The following ANK3 variants were observed in gnomAD, a reference collection of about 807,000 sequenced individuals.
ANK3 encodes the protein ankyrin-3.
Under a neutral mutation model 370.9 loss-of-function variants are expected in ANK3, and 57 were observed. The observed-to-expected ratio is 0.15, with a 90% CI of 0.12 to 0.19. The LOEUF is 0.19. Among genes scored for constraint, ANK3 ranks in the 10% least tolerant of loss-of-function variants. The pLI is 1.00. For missense variants in ANK3, 4,439 were observed against 5,302.1 expected (o/e 0.84, Z 5.06); for synonymous variants, 1,929 against 1,946.3 (o/e 0.99, Z 0.23).
chr10:60,730,492 G>C (rs1174642501), intron 1 of ANK3, among the ~76,000 whole-genome samples: 1 of 152,064 alleles, frequency 6.6e-6, no homozygotes, highest in Non-Finnish European at 1.5e-5. Context: ...AATAACAGCT[G>C]ATCTTTTAAT....
At chr10:60,607,511 A>G (rs932580379) in intron 2 of ANK3, among the ~76,000 whole-genome samples, 7 of 152,192 alleles carry the variant, frequency 4.6e-5, no homozygotes, top group African/African-American at 1.7e-4. Context: ...TCCATTAAAG[A>G]GCAACATATT....
At chr10:60,106,149 G>T in intron 27 of ANK3, 90 bp from the exon 28 acceptor site, 4 of 1,179,416 alleles carry the variant, frequency 3.4e-6, no homozygotes, top group Non-Finnish European at 2.3e-6. Flanking sequence ...GTATTCATTT[G>T]AAAATCAGAG....
intron 1 of ANK3, among the ~76,000 whole-genome samples, chr10:60,303,650 T>C (rs1469287876): frequency 2.0e-5 from 3 of 152,096 alleles, no homozygotes; most frequent in Non-Finnish European, 4.4e-5. Flanking sequence ...GGAATGTAAA[T>C]TGGTACAGCC....
In ANK3 at chr10:60,075,557, A is replaced by G. The variant is rs1186608627; in HGVS notation, c.5324T>C (p.Phe1775Ser). ...KVFSTTTAMP[F>S]SPLRSYVSAA... Reference sequence around the variant, plus strand: ...AGAAACATATGACCTGAGTGGGGAAAATGGCATTGCAGTCGTGGTAGAAAA... The same window carrying G: ...AGAAACATATGACCTGAGTGGGGAAGATGGCATTGCAGTCGTGGTAGAAAA... The change falls in exon 37 of 44, where the codon TTT (phenylalanine) becomes TCT (serine). Residue 1775 changes from phenylalanine to serine, a missense_variant. Physicochemically the swap from Phe to Ser is radical, Grantham distance 155. Transcript: ENST00000280772. The G allele has an allele frequency of 1.9e-6, 3 of 1,614,068 alleles. No homozygotes were observed. The highest frequency in any genetic ancestry group is 2.5e-6 in the Non-Finnish European group (3 of 1,179,996).
rs540454819 is a variant in ANK3, at chr10:60,257,883, T to C, written c.798+3976A>G. On this transcript the variant is annotated intron_variant, in intron 7 of 43. Transcript: ENST00000280772. ...TGGCAAGACTAACAGAAGAATGCTT[T>C]ATTCAATTATCTTCTCAAAATGGGA... Among the ~76,000 whole-genome samples, 12 of 152,378 alleles carry C rather than the reference T, an allele frequency of 7.9e-5. No individual in the cohort carries two copies. In the East Asian group the frequency reaches 2.3e-3, roughly 29 times the overall value.
intron 1 of ANK3, among the ~76,000 whole-genome samples, chr10:60,709,548 G>A (rs1248238558): frequency 6.6e-6 from 1 of 152,132 alleles, no homozygotes; most frequent in Non-Finnish European, 1.5e-5. Flanking sequence ...GTAAGATAGA[G>A]AAAATAAAAT....
intron 25 of ANK3, among the ~76,000 whole-genome samples, chr10:60,125,102 C>G (rs2093689538): frequency 6.6e-6 from 1 of 152,012 alleles, no homozygotes; most frequent in South Asian, 2.1e-4. Context: ...AAACCTGACA[C>G]AAGTAGTAAA....
rs1288326717 is a variant in ANK3, at chr10:60,059,551, AT to A, written c.12596-122del. 48 of 1,247,976 alleles carry A rather than the reference AT, an allele frequency of 3.8e-5. No homozygotes were observed. The Admixed American group carries it at 7.9e-4, about 21-fold the overall frequency. 77.3% of individuals were successfully genotyped at this position (1,247,976 alleles called of 1,614,324 possible). On this transcript the variant is annotated intron_variant, in intron 40 of 43. Transcript: ENST00000280772. ...TCAAGTTGAATGTCCTCAAATAGAG[AT>A]TTGAGTTTCTCTTCCATCATCTCCT...
chr10:60,583,579 C>T lies in ANK3; in HGVS notation c.96+31607G>A, dbSNP rs1049684011. Among the ~76,000 whole-genome samples, 3 of 142,888 alleles carry T rather than the reference C, an allele frequency of 2.1e-5. No homozygotes were observed. In the South Asian group the frequency reaches 6.8e-4, roughly 32 times the overall value. 93.7% of individuals were successfully genotyped at this position (142,888 alleles called of 152,430 possible). A position where few individuals can be genotyped will look rare whatever the true frequency, so the allele number is the denominator to read the frequency against. The stretch of plus-strand genomic sequence containing the variant: ...TCACCCAGGCTGGAGTGCAGTGGCG[C>T]TCCAGTTCTGTCACTCAGGCTGGAG... On this transcript the variant is annotated intron_variant, in intron 2 of 43. Coordinates refer to the ANK3 transcript ENST00000373827.
At chr10:60,723,769 A>G (rs907035087) in intron 1 of ANK3, among the ~76,000 whole-genome samples, 1 of 152,144 alleles carries the variant, frequency 6.6e-6, no homozygotes, top group Non-Finnish European at 1.5e-5. Flanking sequence ...GCCATTTTCT[A>G]TAACTATCAT....
At chr10:60,152,874 T>C (rs1410990674) in intron 23 of ANK3, among the ~76,000 whole-genome samples, 1 of 152,132 alleles carries the variant, frequency 6.6e-6, no homozygotes, top group Non-Finnish European at 1.5e-5. Context: ...TTTCCTTCCT[T>C]AAAAATCTCA....
chr10:60,707,736 T>C (rs1321400823), intron 1 of ANK3, among the ~76,000 whole-genome samples: 1 of 152,172 alleles, frequency 6.6e-6, no homozygotes, highest in South Asian at 2.1e-4. Context: ...GCAATTTGTA[T>C]GTTTTGCTGT....
intron 23 of ANK3, among the ~76,000 whole-genome samples, chr10:60,147,479 G>C (rs1294411371): frequency 6.6e-6 from 1 of 152,168 alleles, no homozygotes; most frequent in African/African-American, 2.4e-5. Flanking sequence ...CAGAAAATAA[G>C]TGCTAGGATA....
intron 1 of ANK3, among the ~76,000 whole-genome samples, chr10:60,377,272 C>T (rs1486639758): frequency 3.3e-5 from 5 of 152,244 alleles, no homozygotes; most frequent in African/African-American, 1.2e-4. Flanking sequence ...CCTAACCAGC[C>T]AGGTAGCAGA....
intron 16 of ANK3, among the ~76,000 whole-genome samples, chr10:60,194,765 T>A (rs2096557264): frequency 6.6e-6 from 1 of 152,190 alleles, no homozygotes. Context: ...AGAAAGAATG[T>A]TTGTCAGGGT....
Position 60,071,411 on chromosome 10 carries a change from G to C in ANK3, c.9470C>G (p.Ser3157Cys). 1.2e-6 allele frequency: 2 copies of C among 1,614,126 alleles called. No individual in the cohort carries two copies. The highest frequency in any genetic ancestry group is 1.7e-6 in the Non-Finnish European group (2 of 1,179,994). Residue 3157 changes from serine to cysteine, a missense_variant, in exon 37 of 44, where the codon TCC becomes TGC. Physicochemically the swap from Ser to Cys is moderately radical, Grantham distance 112. Around this residue, in one of 13 missense-constraint regions of ANK3, gnomAD observed 1,601 missense variants for 1,731.7 expected, o/e 0.92. Transcript: ENST00000280772. ...GCTTTTCCCAGAGCTGTCTAGAAAG[G>C]ATACTTGCTCTAGAGTATCATCTTC... ...SPEDDTLEQVSFLDSSGKSPL... is the reference protein window; with the variant it reads ...SPEDDTLEQVCFLDSSGKSPL...
intron 17 of ANK3, 68 bp downstream of exon 17, chr10:60,186,647 C>G (rs527360828): frequency 3.1e-5 from 46 of 1,479,930 alleles, no homozygotes; most frequent in East Asian, 4.6e-5. Flanking sequence ...TCTGTGAATT[C>G]TTAGTGACCT....
chr10:60,354,823 G>A (rs919429625), intron 1 of ANK3, among the ~76,000 whole-genome samples: 10 of 152,156 alleles, frequency 6.6e-5, no homozygotes, highest in African/African-American at 2.2e-4. Flanking sequence ...TATAATACAC[G>A]TTTATCTTAT....
intron 2 of ANK3, among the ~76,000 whole-genome samples, chr10:60,597,808 C>A (rs545856429): frequency 2.4e-4 from 36 of 152,136 alleles, no homozygotes; most frequent in Non-Finnish European, 4.6e-4. Context: ...ATAGGAACTG[C>A]AACCCTTTCT....
Sources: gnomAD v4.1 joint callset for allele counts (sites outside exome capture counted in the v4.1 genomes callset) on GRCh38, gnomAD v4.1.1 for gene constraint, gnomAD v4.1.1 regional missense constraint, MANE v1.5 for transcripts, NCBI Gene and HGNC (gene_info 2026-07-23, HGNC 2026-07-21) for gene names.